The following TXNDC11 variants were observed in gnomAD, a reference collection of about 807,000 sequenced individuals.
The protein encoded by TXNDC11 is thioredoxin domain containing 11.
Under a neutral mutation model 78.0 loss-of-function variants are expected in TXNDC11, and 68 were observed. The observed-to-expected ratio is 0.87, with a 90% CI of 0.72 to 1.07. TXNDC11 has a LOEUF of 1.07. TXNDC11 is among the 50% of genes least tolerant of loss of function. The pLI is 0.00. For missense variants in TXNDC11, 1,389 were observed against 1,221.8 expected, an observed-to-expected ratio of 1.14 and a Z score of -2.04; for synonymous variants, 571 against 495.2, an observed-to-expected ratio of 1.15 and a Z score of -2.03.
chr16:11,729,588 G>A (rs1457416582), intron 4 of TXNDC11, among the ~76,000 whole-genome samples: 1 of 152,164 alleles, frequency 6.6e-6, no homozygotes, highest in East Asian at 1.9e-4. Context: ...AAACTGTCAG[G>A]AAGGTCTGGA....
chr16:11,720,572 T>C lies in TXNDC11; in HGVS notation c.793+1005A>G, dbSNP rs529581652. Among the ~76,000 whole-genome samples, 5 of 151,712 alleles carry C rather than the reference T, an allele frequency of 3.3e-5. No homozygotes were observed. In the East Asian group the frequency reaches 7.8e-4, roughly 24 times the overall value. Reference sequence around the variant, plus strand: ...CTGGGACTACAAGCACGTGCCACCATGTCTGGCTAAATTTTTGTATTTTTA... The same window carrying C: ...CTGGGACTACAAGCACGTGCCACCACGTCTGGCTAAATTTTTGTATTTTTA... On this transcript the variant is annotated intron_variant, in intron 5 of 11. Coordinates refer to ENST00000283033, the MANE Select transcript of TXNDC11 (RefSeq NM_015914.7).
Position 11,719,459 on chromosome 16 carries a change from A to C in TXNDC11, c.793+2118T>G, listed in dbSNP as rs1010570070. On this transcript the variant is annotated intron_variant, in intron 5 of 11. Coordinates refer to ENST00000283033, the MANE Select transcript of TXNDC11 (RefSeq NM_015914.7). ...CAGCTTTTCTCCCCCTATGTCTCCC[A>C]GACAAACAATGTGAATATAGTAGAT... is the stretch of plus-strand genomic sequence containing the variant. Among the ~76,000 whole-genome samples, 5 of 152,220 alleles carry C rather than the reference A, an allele frequency of 3.3e-5. No homozygotes were observed. The East Asian group carries it at 9.6e-4, about 29-fold the overall frequency.
At chr16:11,742,193 G>A in intron 1 of TXNDC11, 1 of 394,640 alleles carries the variant, frequency 2.5e-6, no homozygotes, top group Non-Finnish European at 4.5e-6. Context: ...CACCCCTAGT[G>A]ACTCCAACAG....
At chr16:11,711,476 T>C (rs1438550680) in intron 5 of TXNDC11, among the ~76,000 whole-genome samples, 1 of 152,168 alleles carries the variant, frequency 6.6e-6, no homozygotes, top group Non-Finnish European at 1.5e-5. Flanking sequence ...GCTCCAAAGG[T>C]TACCCACATC....
intron 1 of TXNDC11, 28 bp downstream of exon 1, chr16:11,742,449 C>T (rs966996610): frequency 1.4e-6 from 2 of 1,383,130 alleles, no homozygotes; most frequent in Admixed American, 3.7e-5. Flanking sequence ...AGCGCCCTAG[C>T]GGGGCCCCAG....
At chr16:11,723,898 G>C (rs560417231) in intron 4 of TXNDC11, among the ~76,000 whole-genome samples, 1 of 152,282 alleles carries the variant, frequency 6.6e-6, no homozygotes, top group South Asian at 2.1e-4. Flanking sequence ...GAAATTCATG[G>C]AAAGATTCTT....
At chr16:11,717,855 C>A (rs1199800230) in intron 5 of TXNDC11, among the ~76,000 whole-genome samples, 1 of 151,548 alleles carries the variant, frequency 6.6e-6, no homozygotes, top group Non-Finnish European at 1.5e-5. Flanking sequence ...CAATAATGGA[C>A]AGAAATATGC....
At position 11,712,609 on chromosome 16, in the gene TXNDC11, A is replaced by C. The variant is rs539256618; in HGVS notation, c.793+8968T>G. On this transcript the variant is annotated intron_variant, in intron 5 of 11. Coordinates refer to ENST00000283033, the MANE Select transcript of TXNDC11 (RefSeq NM_015914.7). ...AAATCGTACTTCTGATTCTAACCTC[A>C]CGTGCTGAGAGGATCTTTTTTGGCC... Among the ~76,000 whole-genome samples, 124 of 152,150 alleles carry C rather than the reference A, an allele frequency of 8.1e-4. 1 individual carries two copies. Among genetic ancestry groups the C allele is most frequent in the Middle Eastern group, 3.4e-3 (1 of 294 alleles).
chr16:11,703,984 T>C (rs1467060494), intron 5 of TXNDC11, among the ~76,000 whole-genome samples: 1 of 152,132 alleles, frequency 6.6e-6, no homozygotes, highest in African/African-American at 2.4e-5. Flanking sequence ...TCCAGCTATC[T>C]GGGAGGCTGA....
chr16:11,741,650 T>C (rs1309149154), intron 1 of TXNDC11, among the ~76,000 whole-genome samples: 1 of 152,196 alleles, frequency 6.6e-6, no homozygotes, highest in African/African-American at 2.4e-5. Flanking sequence ...CTTTAAAAAA[T>C]TATATTTACT....
In TXNDC11 at chr16:11,723,786, G is replaced by A. The variant is rs373411911; in HGVS notation, c.700-2116C>T. ...CTCTTCTTCCCCCTAAAAGATTCCC[G>A]AGCCTTTCCCCATCCCATCTAAATT... is the stretch of plus-strand genomic sequence containing the variant. On this transcript the variant is annotated intron_variant, in intron 4 of 11. Transcript: ENST00000283033. Among the ~76,000 whole-genome samples the A allele has an allele frequency of 3.9e-5, 6 of 152,128 alleles. No homozygotes were observed. The South Asian group carries it at 8.3e-4, about 21-fold the overall frequency.
chr16:11,731,217 T>C (rs376111204), intron 3 of TXNDC11, among the ~76,000 whole-genome samples: 3 of 152,152 alleles, frequency 2.0e-5, no homozygotes, highest in African/African-American at 7.2e-5. Context: ...AAGGGACAGG[T>C]TGAACAGTCA....
chr16:11,691,963 C>T lies in TXNDC11; in HGVS notation c.1227G>A (p.Pro409=), dbSNP rs749352148. 10 of 1,608,878 alleles carry T rather than the reference C, an allele frequency of 6.2e-6. No individual in the cohort carries two copies. The highest frequency in any genetic ancestry group is 1.1e-5 in the South Asian group (1 of 90,476). Residue 409 remains proline, a synonymous_variant, in exon 8 of 12, where the codon CCG becomes CCA. Coordinates refer to ENST00000283033, the MANE Select transcript of TXNDC11 (RefSeq NM_015914.7). ...TCGTTGGCGGGTCTGGCAGCTGTGC[C>T]GGCACTTCCAGGGCCAGGGACTCCA... is the stretch of plus-strand genomic sequence containing the variant. ...PVLESLALEV[P]AQLPDPPTIT...
chr16:11,689,847 T>C (rs1461620682), intron 8 of TXNDC11: 2 of 152,226 alleles, frequency 1.3e-5, no homozygotes, highest in Non-Finnish European at 2.9e-5. Context: ...AAAATGACTT[T>C]AGATAACATG....
At position 11,679,563 on chromosome 16, in the gene TXNDC11, G is replaced by A. The variant is rs149467067; in HGVS notation, c.2509C>T (p.Arg837Trp). 1.2e-5 allele frequency: 20 copies of A among 1,613,728 alleles called. No individual in the cohort carries two copies. The highest frequency in any genetic ancestry group is 4.4e-5 in the South Asian group (4 of 91,090). ...AGGGCCCGCTGCTGCTGCCGCAGCC[G>A]GTGCTCATCTCTGCGGGCACTGGAG... ...QLSSARRDEHRLRQQQRALEE... is the reference protein window; with the variant it reads ...QLSSARRDEHWLRQQQRALEE... Residue 837 changes from arginine (R) to tryptophan (W), a missense_variant, in exon 12 of 12, where the codon CGG becomes TGG. By Grantham distance (101) the Arg-to-Trp change is moderately radical (BLOSUM62 -3). Transcript: ENST00000283033. The surrounding 1 kb of genome is among the most constrained non-coding windows in gnomAD (Gnocchi z 4.6).
chr16:11,729,445 C>A (rs1407883961), intron 4 of TXNDC11, among the ~76,000 whole-genome samples: 8 of 114,920 alleles, frequency 7.0e-5, no homozygotes, highest in Admixed American at 5.4e-4. Context: ...GGAATCTCTG[C>A]TAATAGTTAA....
chr16:11,695,809 G>A (rs1392468639), intron 7 of TXNDC11, among the ~76,000 whole-genome samples: 1 of 152,128 alleles, frequency 6.6e-6, no homozygotes, highest in African/African-American at 2.4e-5. Context: ...AAGGAAGACC[G>A]ATCGCTTGAG....
intron 5 of TXNDC11, among the ~76,000 whole-genome samples, chr16:11,708,120 C>G (rs1303298401): frequency 6.6e-6 from 1 of 152,056 alleles, no homozygotes; most frequent in Admixed American, 6.6e-5. Context: ...TTTAAATTAG[C>G]TATGTGGTTC....
chr16:11,696,025 CAA>C (rs36041908), intron 7 of TXNDC11, among the ~76,000 whole-genome samples: 48 of 133,524 alleles, frequency 3.6e-4, no homozygotes, highest in Admixed American at 3.0e-4. Flanking sequence ...GACCCTAACT[CAA>C]AAAAAAAAAA....
Sources: allele counts gnomAD v4.1 joint callset (sites outside exome capture counted in the v4.1 genomes callset), GRCh38; gene constraint gnomAD v4.1.1; non-coding constraint Gnocchi (gnomAD v3.1); transcripts MANE v1.5; gene names NCBI Gene and HGNC (gene_info 2026-07-23, HGNC 2026-07-21).